Variants in SPOCK1 observed in about 807,000 individuals in gnomAD.
SPOCK1 encodes SPARC (osteonectin), cwcv and kazal like domains proteoglycan 1.
SPOCK1 carries 23 observed loss-of-function variants against 55.3 expected under a neutral mutation model. That is an observed-to-expected ratio of 0.42 (90% CI 0.30 to 0.59). SPOCK1 has a LOEUF of 0.59. SPOCK1 is among the 20% of genes least tolerant of loss of function. The pLI is 0.22. For missense variants in SPOCK1, 499 were observed against 552.5 expected (o/e 0.90, Z 0.97); for synonymous variants, 226 against 221.0 (o/e 1.02, Z -0.20).
intron 2 of SPOCK1, among the ~76,000 whole-genome samples, chr5:137,478,969 C>G (rs925373564): frequency 1.3e-5 from 2 of 151,924 alleles, no homozygotes; most frequent in Non-Finnish European, 2.9e-5. Flanking sequence ...CACCAGGCCT[C>G]CCTGCTCCCC....
At chr5:137,355,256 T>C (rs1750767519) in intron 2 of SPOCK1, among the ~76,000 whole-genome samples, 1 of 152,090 alleles carries the variant, frequency 6.6e-6, no homozygotes, top group African/African-American at 2.4e-5. Flanking sequence ...GCAGTGGCAC[T>C]ACCATGGCTC....
chr5:137,498,625 G>A (rs1208853990), intron 1 of SPOCK1, 67 bp from the exon 2 acceptor site: 2 of 1,213,982 alleles, frequency 1.6e-6, no homozygotes, highest in African/African-American at 3.2e-5. Context: ...GGGCACCCAG[G>A]CGTCCCAGCG....
chr5:137,429,349 C>T (rs1216617832), intron 2 of SPOCK1, among the ~76,000 whole-genome samples: 1 of 152,176 alleles, frequency 6.6e-6, no homozygotes, highest in East Asian at 1.9e-4. Context: ...TTCCAGCTCA[C>T]CCCCACCCCC....
At chr5:137,130,227 A>G (rs1753848521) in intron 4 of SPOCK1, among the ~76,000 whole-genome samples, 1 of 152,118 alleles carries the variant, frequency 6.6e-6, no homozygotes, top group Non-Finnish European at 1.5e-5. Context: ...CTCCACTCTT[A>G]TCCTTCTTAA....
chr5:137,204,124 G>A (rs951270080), intron 3 of SPOCK1, among the ~76,000 whole-genome samples: 1 of 152,124 alleles, frequency 6.6e-6, no homozygotes, highest in Non-Finnish European at 1.5e-5. Context: ...CCTCTGTAAC[G>A]TGGAAATAAC....
At chr5:137,208,250 G>A (rs912831960) in intron 3 of SPOCK1, among the ~76,000 whole-genome samples, 2 of 152,182 alleles carry the variant, frequency 1.3e-5, no homozygotes, top group Admixed American at 1.3e-4. Flanking sequence ...GCAGAGCAGG[G>A]AGCTCTGTGG....
chr5:137,121,095 C>A (rs1753674161), intron 4 of SPOCK1, among the ~76,000 whole-genome samples: 1 of 152,150 alleles, frequency 6.6e-6, no homozygotes, highest in Admixed American at 6.5e-5. Context: ...TTTACTTTTT[C>A]AACAAACACT....
chr5:137,105,411 C>T (rs1445025850), intron 5 of SPOCK1, among the ~76,000 whole-genome samples: 4 of 152,124 alleles, frequency 2.6e-5, no homozygotes, highest in Non-Finnish European at 4.4e-5. Flanking sequence ...AGAAAAGTAG[C>T]CACACATAAA....
At chr5:137,105,839 T>C (rs999937634) in intron 5 of SPOCK1, among the ~76,000 whole-genome samples, 1 of 152,156 alleles carries the variant, frequency 6.6e-6, no homozygotes, top group Admixed American at 6.5e-5. Context: ...TGCTAATTGT[T>C]TAACAGCAAT....
At chr5:137,370,074 G>A (rs1751165668) in intron 2 of SPOCK1, among the ~76,000 whole-genome samples, 1 of 152,146 alleles carries the variant, frequency 6.6e-6, no homozygotes, top group Non-Finnish European at 1.5e-5. Flanking sequence ...GGTAGCGAGT[G>A]ATGCAAGGAT....
At chr5:137,350,029 C>T (rs1229731) in intron 2 of SPOCK1, among the ~76,000 whole-genome samples, 66,383 of 151,850 alleles carry the variant, frequency 0.44, 14,892 homozygotes, top group East Asian at 0.59. Context: ...CTATGAATGC[C>T]TGGGTGCTAA....
intron 6 of SPOCK1, among the ~76,000 whole-genome samples, chr5:137,035,781 A>G (rs1354218799): frequency 6.6e-6 from 1 of 152,204 alleles, no homozygotes; most frequent in East Asian, 1.9e-4. Flanking sequence ...CACGGTGCCC[A>G]GGAGACTACT....
At chr5:137,376,225 A>C (rs1751311626) in intron 2 of SPOCK1, among the ~76,000 whole-genome samples, 1 of 152,170 alleles carries the variant, frequency 6.6e-6, no homozygotes, top group African/African-American at 2.4e-5. Context: ...CCCAGAAAGC[A>C]ACCCAGAGCC....
At chr5:137,172,768 A>G (rs1754778528) in intron 3 of SPOCK1, among the ~76,000 whole-genome samples, 1 of 152,166 alleles carries the variant, frequency 6.6e-6, no homozygotes, top group South Asian at 2.1e-4. Flanking sequence ...TCACTTCAGA[A>G]TCCAGTAAGT....
chr5:137,456,404 C>T (rs1207250171), intron 2 of SPOCK1, among the ~76,000 whole-genome samples: 2 of 152,166 alleles, frequency 1.3e-5, no homozygotes, highest in African/African-American at 4.8e-5. Context: ...ATGATTTCTT[C>T]TCTCCTCTTG....
intron 3 of SPOCK1, among the ~76,000 whole-genome samples, chr5:137,143,940 T>C (rs1754145880): frequency 6.6e-6 from 1 of 152,176 alleles, no homozygotes; most frequent in Admixed American, 6.5e-5. Flanking sequence ...TCCTACTATC[T>C]TCTTTAAAAA....
intron 2 of SPOCK1, among the ~76,000 whole-genome samples, chr5:137,452,188 A>C (rs1753268511): frequency 1.3e-5 from 2 of 152,260 alleles, no homozygotes; most frequent in Admixed American, 1.3e-4. Flanking sequence ...TATGTTTTGT[A>C]AAACAAGCCA....
intron 2 of SPOCK1, among the ~76,000 whole-genome samples, chr5:137,332,982 T>G (rs148854746): frequency 2.0e-5 from 3 of 152,194 alleles, no homozygotes; most frequent in African/African-American, 4.8e-5. Context: ...CACAGATTGA[T>G]AGATGTCAAA....
At chr5:137,070,746 G>A (rs1048807580) in intron 5 of SPOCK1, among the ~76,000 whole-genome samples, 3 of 152,080 alleles carry the variant, frequency 2.0e-5, no homozygotes, top group African/African-American at 7.2e-5. Context: ...GCCTCTCTGG[G>A]TGGCCTTGCC....
Sources: allele counts gnomAD v4.1 joint callset (sites outside exome capture counted in the v4.1 genomes callset), GRCh38; gene constraint gnomAD v4.1.1; transcripts MANE v1.5; gene names NCBI Gene and HGNC (gene_info 2026-07-23, HGNC 2026-07-21).